RBFOX3: variants seen among roughly 807,000 people sequenced by gnomAD.
RBFOX3 encodes RNA binding fox-1 homolog 3.
In RBFOX3, 17 loss-of-function variants were observed where a neutral mutation model predicts 48.7. The ratio of observed to expected loss-of-function variants is 0.35; its 90% CI spans 0.24 to 0.52. RBFOX3 has a LOEUF of 0.52. Ranked by LOEUF, RBFOX3 falls within the 20% of genes least tolerant of loss-of-function variation. The probability of loss-of-function intolerance (pLI) is 0.94; values close to 1 mark genes in which losing one functional copy is unlikely to be tolerated. For missense variants in RBFOX3, 382 were observed against 497.5 expected (o/e 0.77, Z 2.21); for synonymous variants, 212 against 209.5 (o/e 1.01, Z -0.10).
At chr17:79,117,156 G>A (rs1051477242) in intron 4 of RBFOX3, among the ~76,000 whole-genome samples, 4 of 152,364 alleles carry the variant, frequency 2.6e-5, no homozygotes, top group Admixed American at 6.5e-5. Context: ...CCCCTGAGCA[G>A]GCGAGGCACT....
chr17:79,211,068 AC>A (rs2058316055), intron 4 of RBFOX3, among the ~76,000 whole-genome samples: 1 of 134,910 alleles, frequency 7.4e-6, no homozygotes, highest in Non-Finnish European at 1.6e-5. Flanking sequence ...AGAGGGTGCA[AC>A]CCACAGCAGG....
At chr17:79,583,635 C>T (rs2093148346) in intron 1 of RBFOX3, among the ~76,000 whole-genome samples, 1 of 152,104 alleles carries the variant, frequency 6.6e-6, no homozygotes, top group Non-Finnish European at 1.5e-5. Flanking sequence ...GCTGCCTGTG[C>T]AAAGGCCCTG....
In RBFOX3 at chr17:79,479,424, C is replaced by T. The variant is rs1178269936; in HGVS notation, c.-175+3030G>A. On this transcript the variant is annotated intron_variant, in intron 2 of 14. Coordinates refer to ENST00000693108, the MANE Select transcript of RBFOX3 (RefSeq NM_001350451.2). This position sits in a 1 kb window ranked among gnomAD's most constrained non-coding sequence, Gnocchi z 5.1. ...GAGATTCAAAGCCACACGCAGGCCT[C>T]AGACTGCATTGCTCCTTGCTCTGAG... 1.3e-5 allele frequency among the ~76,000 whole-genome samples: 2 copies of T among 152,204 alleles called. No homozygotes were observed. The highest frequency in any genetic ancestry group is 4.8e-5 in the African/African-American group (2 of 41,456).
intron 2 of RBFOX3, among the ~76,000 whole-genome samples, chr17:79,464,452 C>T (rs80143541): frequency 6.6e-6 from 1 of 152,212 alleles, no homozygotes; most frequent in Non-Finnish European, 1.5e-5. Flanking sequence ...ACGTGCACCT[C>T]GGCCCACAGA....
chr17:79,234,691 G>C (rs2061421763), intron 4 of RBFOX3: 1 of 112,808 alleles, frequency 8.9e-6, no homozygotes, highest in Non-Finnish European at 1.8e-5. Context: ...TCAACTTTAT[G>C]TTTGTTGGGT....
chr17:79,130,602 A>G (rs2038593738), intron 4 of RBFOX3, among the ~76,000 whole-genome samples: 1 of 152,210 alleles, frequency 6.6e-6, no homozygotes, highest in South Asian at 2.1e-4. Context: ...GCGTGAGGGC[A>G]GGCGGTCCAG....
Position 79,311,434 on chromosome 17 carries a change from C to CAAA in RBFOX3, c.-174-3613_-174-3611dup, listed in dbSNP as rs35265527. On this transcript the variant is annotated intron_variant, in intron 2 of 14. Transcript: ENST00000693108. This position sits in a 1 kb window ranked among gnomAD's most constrained non-coding sequence, Gnocchi z 4.2. ...GGTAAGAAGAGCGAGACTCCATCTC[C>CAAA]AAAAAAAAAAAAAAAAAAAACAGAC... 7.8e-5 allele frequency among the ~76,000 whole-genome samples: 8 copies of CAAA among 102,548 alleles called. No homozygotes were observed. In the East Asian group the frequency reaches 2.1e-3, roughly 27 times the overall value. 67.3% of individuals were successfully genotyped at this position (102,548 alleles called of 152,430 possible).
At chr17:79,105,040 T>C (rs2077113855) in intron 6 of RBFOX3, among the ~76,000 whole-genome samples, 2 of 152,202 alleles carry the variant, frequency 1.3e-5, no homozygotes, top group Admixed American at 6.5e-5. Flanking sequence ...ACTGAGACCA[T>C]GAGCCTGTGA....
intron 4 of RBFOX3, among the ~76,000 whole-genome samples, chr17:79,154,681 C>T (rs1205373147): frequency 2.2e-4 from 33 of 152,236 alleles, no homozygotes; most frequent in East Asian, 3.9e-4. Flanking sequence ...GGGAGACTGG[C>T]GTGGGTTCAG....
At chr17:79,246,747 C>T (rs116577283) in intron 3 of RBFOX3, among the ~76,000 whole-genome samples, 2,775 of 152,288 alleles carry the variant, frequency 0.018, 84 homozygotes, top group African/African-American at 0.063. Flanking sequence ...AGAGGCACCA[C>T]CTCTCTGCAG....
chr17:79,181,535 T>C (rs2051939627), intron 4 of RBFOX3, among the ~76,000 whole-genome samples: 1 of 152,194 alleles, frequency 6.6e-6, no homozygotes, highest in African/African-American at 2.4e-5. Context: ...CCCCAGTGGC[T>C]CCTGGGCTGT....
At chr17:79,375,672 G>GGT (rs2059139427) in intron 2 of RBFOX3, among the ~76,000 whole-genome samples, 2 of 152,122 alleles carry the variant, frequency 1.3e-5, no homozygotes, top group Non-Finnish European at 2.9e-5. Flanking sequence ...AGGGGATGGA[G>GGT]TTGCCCCCTT....
chr17:79,120,316 G>T (rs2035346255), intron 4 of RBFOX3, among the ~76,000 whole-genome samples: 1 of 152,164 alleles, frequency 6.6e-6, no homozygotes, highest in Non-Finnish European at 1.5e-5. Context: ...ACGTATGTAT[G>T]CATGGATGGA....
intron 3 of RBFOX3, among the ~76,000 whole-genome samples, chr17:79,239,895 C>T (rs937523489): frequency 7.2e-5 from 11 of 152,240 alleles, no homozygotes; most frequent in Non-Finnish European, 1.3e-4. Flanking sequence ...AATATTTGCT[C>T]TTGGGGAATC....
chr17:79,196,984 C>G (rs544224398), intron 4 of RBFOX3, among the ~76,000 whole-genome samples: 60 of 152,304 alleles, frequency 3.9e-4, no homozygotes, highest in African/African-American at 1.3e-3. Flanking sequence ...CCTCCAGCAC[C>G]CCGGGTGGAC....
intron 2 of RBFOX3, among the ~76,000 whole-genome samples, chr17:79,431,476 A>C (rs1555728374): frequency 5.6e-5 from 7 of 125,396 alleles, no homozygotes; most frequent in Admixed American, 8.7e-5. Flanking sequence ...ACCCCCCACC[A>C]TGCCTGGCTA....
At chr17:79,664,084 G>A in the RBFOX3 span, among the ~76,000 whole-genome samples, 3 of 152,152 alleles carry the variant, frequency 2.0e-5, no homozygotes, top group Admixed American at 6.5e-5. Context: ...ACCTCTGCTC[G>A]GGTGGGAGAA....
chr17:79,656,777 GGAA>G, the RBFOX3 span, among the ~76,000 whole-genome samples: 1 of 101,370 alleles, frequency 9.9e-6, no homozygotes, highest in African/African-American at 4.8e-5. Flanking sequence ...AAGGAAGGAA[GGAA>G]AGAAAGAAAG....
At position 79,204,520 on chromosome 17, in the gene RBFOX3, G is replaced by A. The variant is rs1351682905; in HGVS notation, c.-34+31246C>T. Among the ~76,000 whole-genome samples, 8 of 152,316 alleles carry A rather than the reference G, an allele frequency of 5.3e-5. No individual in the cohort carries two copies. The South Asian group carries it at 6.2e-4, about 12-fold the overall frequency. On this transcript the variant is annotated intron_variant, in intron 4 of 14. Coordinates refer to ENST00000693108, the MANE Select transcript of RBFOX3 (RefSeq NM_001350451.2). The surrounding 1 kb of genome is among the most constrained non-coding windows in gnomAD (Gnocchi z 4.5). ...AGCATTCAGTCAACGAGGTCGACGC[G>A]CTGGAACTACTTTGGTGGAGTATTA...
Sources: allele counts gnomAD v4.1 joint callset (sites outside exome capture counted in the v4.1 genomes callset), GRCh38; gene constraint gnomAD v4.1.1; non-coding constraint Gnocchi (gnomAD v3.1); transcripts MANE v1.5; gene names NCBI Gene and HGNC (gene_info 2026-07-23, HGNC 2026-07-21).